Variants in MSR1 observed in about 807,000 individuals in gnomAD.
The protein encoded by MSR1 is macrophage scavenger receptor 1, also known as macrophage scavenger receptor types I and II.
A neutral mutation model predicts 47.2 loss-of-function variants in MSR1; 53 were observed. The ratio of observed to expected loss-of-function variants is 1.12; its 90% CI spans 0.90 to 1.41. MSR1 has a LOEUF of 1.41. Among genes scored for constraint, MSR1 ranks in the 40% most tolerant of loss-of-function variants. The probability of loss-of-function intolerance (pLI) is 0.00; values close to 1 mark genes in which losing one functional copy is unlikely to be tolerated. For missense variants in MSR1, 786 were observed against 546.9 expected (o/e 1.44, Z -4.36); for synonymous variants, 239 against 185.6 (o/e 1.29, Z -2.34).
At chr8:16,164,789 C>T (rs1206904253) in intron 4 of MSR1, among the ~76,000 whole-genome samples, 8 of 151,978 alleles carry the variant, frequency 5.3e-5, no homozygotes, top group Non-Finnish European at 1.2e-4. Flanking sequence ...GTTTGCATTG[C>T]CTCTGTATTT....
intron 1 of MSR1, among the ~76,000 whole-genome samples, chr8:16,184,000 C>A (rs909316566): frequency 2.6e-4 from 39 of 149,738 alleles, no homozygotes; most frequent in African/African-American, 8.8e-4. Flanking sequence ...GACAATGAAT[C>A]AGGGTTTTGA....
intron 1 of MSR1, among the ~76,000 whole-genome samples, chr8:16,191,644 A>T (rs1802202771): frequency 1.3e-5 from 2 of 152,114 alleles, no homozygotes; most frequent in Admixed American, 1.3e-4. Context: ...CAAGTTACTC[A>T]ACTAGGGAGC....
intron 8 of MSR1, chr8:16,139,410 A>G: frequency 1.1e-6 from 1 of 942,438 alleles, no homozygotes. Context: ...GGTAGGTGTT[A>G]ACATGTTCAT....
At chr8:16,115,159 AC>A (rs1421036213) in intron 9 of MSR1, among the ~76,000 whole-genome samples, 1 of 152,162 alleles carries the variant, frequency 6.6e-6, no homozygotes, top group East Asian at 1.9e-4. Context: ...AGCCTGGGCA[AC>A]AAGAGCGAAA....
At chr8:16,131,441 G>GTTTTTTTTTTTTTGTTTTT (rs1800254491) in intron 8 of MSR1, among the ~76,000 whole-genome samples, 1 of 54,660 alleles carries the variant, frequency 1.8e-5, no homozygotes, top group African/African-American at 8.1e-5. Flanking sequence ...TCTGTTGATA[G>GTTTTTTTTTTTTTGTTTTT]TTTTTTTTTT....
chr8:16,136,780 T>C (rs779733296), intron 8 of MSR1, among the ~76,000 whole-genome samples: 3 of 152,064 alleles, frequency 2.0e-5, no homozygotes, highest in Non-Finnish European at 4.4e-5. Context: ...ATTTTGTATT[T>C]TCGGTAGAGA....
At position 16,152,571 on chromosome 8, in the gene MSR1, C is replaced by G. The variant is rs141392382; in HGVS notation, c.899-2260G>C. 4.1e-3 allele frequency among the ~76,000 whole-genome samples: 629 copies of G among 152,128 alleles called. 3 individuals are homozygous for G. The highest frequency in any genetic ancestry group is 7.6e-3 in the Non-Finnish European group (518 of 67,982). On this transcript the variant is annotated intron_variant, in intron 6 of 9. Coordinates refer to ENST00000262101, the MANE Select transcript of MSR1 (RefSeq NM_138715.3). ...CAGCCAGAGAAGCCTTCAGTTCTCT[C>G]GAGGGCATCTCATGTAGGTAGCCCC...
chr8:16,179,961 G>C (rs1563169709), intron 1 of MSR1, among the ~76,000 whole-genome samples: 1 of 150,586 alleles, frequency 6.6e-6, no homozygotes, highest in Non-Finnish European at 1.5e-5. Context: ...CTGTTTCCCA[G>C]GCTGGAGTGC....
intron 1 of MSR1, among the ~76,000 whole-genome samples, chr8:16,187,553 T>C (rs1802040227): frequency 6.6e-6 from 1 of 152,018 alleles, no homozygotes; most frequent in African/African-American, 2.4e-5. Context: ...TCTTCTCTCA[T>C]CCAAGCCAGA....
chr8:16,189,932 T>TTTTG (rs1802146382), intron 1 of MSR1, among the ~76,000 whole-genome samples: 2 of 147,510 alleles, frequency 1.4e-5, no homozygotes, highest in African/African-American at 5.0e-5. Context: ...TTTTTTTTTT[T>TTTTG]GAGATTGAGT....
At chr8:16,139,243 CA>C in intron 8 of MSR1, 1 of 982,482 alleles carries the variant, frequency 1.0e-6, no homozygotes. Context: ...ATTCTGATTA[CA>C]GATTAAAAAT....
At chr8:16,174,619 A>C (rs950174717) in intron 3 of MSR1, among the ~76,000 whole-genome samples, 2 of 152,138 alleles carry the variant, frequency 1.3e-5, no homozygotes, top group Non-Finnish European at 2.9e-5. Context: ...ATTTTTAGAG[A>C]TATTTTAAAT....
chr8:16,123,855 C>A (rs1800067124), intron 8 of MSR1, among the ~76,000 whole-genome samples: 1 of 152,104 alleles, frequency 6.6e-6, no homozygotes, highest in Admixed American at 6.6e-5. Flanking sequence ...TGACCCAAGA[C>A]CCGAATCTGC....
chr8:16,177,888 G>C lies in MSR1; in HGVS notation c.101C>G (p.Pro34Arg). The C allele has an allele frequency of 3.1e-6, 5 of 1,613,266 alleles. No individual in the cohort carries two copies. The Admixed American group carries it at 8.3e-5, about 27-fold the overall frequency. The change falls in exon 2 of 10, where the codon CCG becomes CGG. Residue 34 changes from proline (P) to arginine (R), a missense_variant and splice_region_variant. Physicochemically the swap from Pro to Arg is moderately radical, Grantham distance 103. Transcript: ENST00000262101. ...GCAGCCCATCCCCCTCTACTTACTC[G>C]GAGGAAGCAAAGCTGTCATTGAGCG... The part of the protein sequence containing the change: ...DARSMTALLP[P>R]NPKNSPSLQE...
intron 7 of MSR1, among the ~76,000 whole-genome samples, chr8:16,148,211 GC>G (rs1047948474): frequency 4.3e-4 from 66 of 152,052 alleles, no homozygotes; most frequent in African/African-American, 1.5e-3. Flanking sequence ...TTACCACATG[GC>G]ATTATAGCTA....
At chr8:16,151,512 T>C (rs1166146834) in intron 6 of MSR1, among the ~76,000 whole-genome samples, 1 of 152,138 alleles carries the variant, frequency 6.6e-6, no homozygotes, top group Non-Finnish European at 1.5e-5. Flanking sequence ...AGCACAGCTG[T>C]TGAACTTTAT....
At chr8:16,187,857 C>T (rs1330569938) in intron 1 of MSR1, among the ~76,000 whole-genome samples, 2 of 152,118 alleles carry the variant, frequency 1.3e-5, no homozygotes, top group Non-Finnish European at 2.9e-5. Flanking sequence ...ACCCACTTTG[C>T]TTCAAAAGCA....
rs138603194 is a variant in MSR1 at position 16,121,233 on chromosome 8, T to C, written c.1034-627A>G. On this transcript the variant is annotated intron_variant, in intron 8 of 9. Transcript: ENST00000262101. ...TCTTTAGAAAAAAATATTAACGAGA[T>C]AAAAAATCAGACAATTTTGTTTATT... is the stretch of plus-strand genomic sequence containing the variant. 2.6e-3 allele frequency: 1,009 copies of C among 389,142 alleles called. 6 individuals are homozygous for C. The highest frequency in any genetic ancestry group is 4.4e-3 in the Admixed American group (130 of 29,724). The allele number at this position is 389,142 out of a possible 1,614,324, so 24.1% of individuals were successfully genotyped here. A position where few individuals can be genotyped will look rare whatever the true frequency, so the allele number is the denominator to read the frequency against.
In MSR1 at chr8:16,168,587, C is replaced by T. The variant is rs183718366; in HGVS notation, c.501G>A (p.Gln167=). 14 of 1,614,094 alleles carry T rather than the reference C, an allele frequency of 8.7e-6. No individual in the cohort carries two copies. Among genetic ancestry groups the T allele is most frequent in the Non-Finnish European group, 1.0e-5 (12 of 1,180,008 alleles). ...TTTCATCTATTGCATTCCCATGTCC[C>T]TGGACTGAGGAAAACAAGGTACTTA... ...LQLSTLFSSV[Q]GHGNAIDEIS... is the part of the protein sequence containing the mutation. Residue 167 remains glutamine (Q), a synonymous_variant, in exon 4 of 10, where the codon CAG becomes CAA. Transcript: ENST00000262101.
Sources: gnomAD v4.1 joint callset for allele counts (sites outside exome capture counted in the v4.1 genomes callset) on GRCh38, gnomAD v4.1.1 for gene constraint, MANE v1.5 for transcripts, NCBI Gene and HGNC (gene_info 2026-07-23, HGNC 2026-07-21) for gene names.